Variants in CACNA2D3 observed in about 807,000 individuals in gnomAD.
CACNA2D3 encodes the protein voltage-dependent calcium channel subunit alpha-2/delta-3.
In CACNA2D3, 60 loss-of-function variants were observed where a neutral mutation model predicts 160.6. The observed-to-expected ratio is 0.37, with a 90% CI of 0.30 to 0.46. The LOEUF (loss-of-function observed/expected upper bound fraction) is 0.46, where lower values mean the gene tolerates loss of function less well. Among genes scored for constraint, CACNA2D3 ranks in the 20% least tolerant of loss-of-function variants. The probability of loss-of-function intolerance (pLI) is 1.00; values close to 1 mark genes in which losing one functional copy is unlikely to be tolerated. For synonymous variants in CACNA2D3, 558 were observed against 492.9 expected (o/e 1.13, Z -1.75); for missense variants, 1,205 against 1,365.0 (o/e 0.88, Z 1.85).
intron 2 of CACNA2D3, among the ~76,000 whole-genome samples, chr3:54,234,737 T>G (rs1445966263): frequency 6.6e-6 from 1 of 152,162 alleles, no homozygotes; most frequent in Non-Finnish European, 1.5e-5. Flanking sequence ...AGGTTATTAG[T>G]CTTAGCAAAC....
At position 55,021,599 on chromosome 3, in the gene CACNA2D3, T is replaced by TTATATATA. The variant is rs56044949; in HGVS notation, c.2987+3292_2987+3299dup. Among the ~76,000 whole-genome samples, 5 of 141,786 alleles carry TTATATATA rather than the reference T, an allele frequency of 3.5e-5. 1 individual carries two copies. Among genetic ancestry groups the TTATATATA allele is most frequent in the African/African-American group, 1.3e-4 (5 of 37,592 alleles). The allele number at this position is 141,786 out of a possible 152,430, so 93.0% of individuals were successfully genotyped here. ...CTCTGCATTCCAGTGCATCTCTAAA[T>TTATATATA]TATATATATATATATATGTGTGTGT... On this transcript the variant is annotated intron_variant, in intron 35 of 37. Transcript: ENST00000474759.
intron 35 of CACNA2D3, among the ~76,000 whole-genome samples, chr3:55,062,655 T>C (rs903735587): frequency 6.6e-6 from 1 of 152,220 alleles, no homozygotes; most frequent in Non-Finnish European, 1.5e-5. Context: ...ACCTGTAGAA[T>C]TGGAGGCGTC....
intron 17 of CACNA2D3, among the ~76,000 whole-genome samples, chr3:54,860,224 A>G (rs1009735113): frequency 6.6e-6 from 1 of 152,198 alleles, no homozygotes; most frequent in African/African-American, 2.4e-5. Context: ...TATCTGGAAT[A>G]TTTAGAAGCT....
At chr3:54,763,814 T>TATATACGTATATATATGTAC (rs1559573800) in intron 12 of CACNA2D3, among the ~76,000 whole-genome samples, 1 of 5,210 alleles carries the variant, frequency 1.9e-4, no homozygotes, top group African/African-American at 3.7e-4. Flanking sequence ...TATATATACA[T>TATATACGTATATATATGTAC]ATATATATAC....
At chr3:54,716,170 GT>G (rs1435367072) in intron 11 of CACNA2D3, among the ~76,000 whole-genome samples, 5 of 152,106 alleles carry the variant, frequency 3.3e-5, no homozygotes, top group Non-Finnish European at 7.4e-5. Flanking sequence ...ATAATACTAT[GT>G]TCCCATGTAC....
chr3:54,487,371 G>A (rs1701030876), intron 4 of CACNA2D3, among the ~76,000 whole-genome samples: 1 of 152,070 alleles, frequency 6.6e-6, no homozygotes, highest in East Asian at 1.9e-4. Flanking sequence ...CTGTATCAAA[G>A]GGGGAAAAAA....
intron 3 of CACNA2D3, among the ~76,000 whole-genome samples, chr3:54,350,633 G>A (rs1169039831): frequency 6.6e-6 from 1 of 152,202 alleles, no homozygotes; most frequent in Non-Finnish European, 1.5e-5. Context: ...GAAGTTTCAA[G>A]ATGATGGGCT....
intron 4 of CACNA2D3, among the ~76,000 whole-genome samples, chr3:54,478,711 C>T (rs1286809359): frequency 3.9e-4 from 6 of 15,330 alleles, no homozygotes; most frequent in East Asian, 3.4e-3. Flanking sequence ...TGATGAATCT[C>T]GCATCTTCAA....
intron 2 of CACNA2D3, among the ~76,000 whole-genome samples, chr3:54,216,939 A>G (rs1701473864): frequency 6.6e-6 from 1 of 152,108 alleles, no homozygotes; most frequent in African/African-American, 2.4e-5. Context: ...GATAAAGAAG[A>G]ACTAAGTAGA....
At chr3:54,179,586 G>T (rs1700743678) in intron 2 of CACNA2D3, among the ~76,000 whole-genome samples, 1 of 152,214 alleles carries the variant, frequency 6.6e-6, no homozygotes, top group Non-Finnish European at 1.5e-5. Context: ...AAATTCATAT[G>T]TTGAAGCTTA....
intron 10 of CACNA2D3, among the ~76,000 whole-genome samples, chr3:54,641,351 G>A (rs1699515946): frequency 6.6e-6 from 1 of 152,240 alleles, no homozygotes; most frequent in South Asian, 2.1e-4. Context: ...ATTAAGCTTT[G>A]CATGAAGAGT....
intron 11 of CACNA2D3, among the ~76,000 whole-genome samples, chr3:54,693,030 A>AACCACC (rs797003162): frequency 6.6e-6 from 1 of 151,598 alleles, no homozygotes; most frequent in African/African-American, 2.4e-5. Flanking sequence ...GTAAAAAAAA[A>AACCACC]ACCACCACCA....
Position 54,722,997 on chromosome 3 carries a change from C to T in CACNA2D3, c.1168-29602C>T, listed in dbSNP as rs183002613. ...AGTCTGCTGAAGCTGCACCCATAGC[C>T]GCCCCCTCCGCCAGGTACTCTGTCC... On this transcript the variant is annotated intron_variant, in intron 11 of 37. Coordinates refer to ENST00000474759, the MANE Select transcript of CACNA2D3 (RefSeq NM_018398.3). Among the ~76,000 whole-genome samples, 58 of 152,308 alleles carry T rather than the reference C, an allele frequency of 3.8e-4. 1 individual carries two copies. Among genetic ancestry groups the T allele is most frequent in the Middle Eastern group, 3.4e-3 (1 of 294 alleles).
chr3:54,177,204 T>C (rs1360767998), intron 2 of CACNA2D3, among the ~76,000 whole-genome samples: 1 of 152,228 alleles, frequency 6.6e-6, no homozygotes, highest in African/African-American at 2.4e-5. Flanking sequence ...TAAGCATAAA[T>C]ACCATCTATC....
chr3:54,761,232 G>A (rs557872063), intron 12 of CACNA2D3, among the ~76,000 whole-genome samples: 3 of 152,256 alleles, frequency 2.0e-5, no homozygotes, highest in Admixed American at 6.5e-5. Flanking sequence ...ACAAGATCCT[G>A]TCTGGGCCCA....
At chr3:54,171,968 T>G (rs1483679725) in intron 2 of CACNA2D3, among the ~76,000 whole-genome samples, 2 of 152,222 alleles carry the variant, frequency 1.3e-5, no homozygotes, top group Non-Finnish European at 2.9e-5. Flanking sequence ...GTCTCCTTCC[T>G]TTTCTCCCGA....
intron 10 of CACNA2D3, among the ~76,000 whole-genome samples, chr3:54,628,118 G>C (rs917740166): frequency 1.3e-5 from 2 of 152,184 alleles, no homozygotes; most frequent in African/African-American, 4.8e-5. Flanking sequence ...TGTAGTCCCA[G>C]CTACTCGGGA....
intron 4 of CACNA2D3, among the ~76,000 whole-genome samples, chr3:54,456,140 A>G (rs956969129): frequency 6.6e-6 from 1 of 152,138 alleles, no homozygotes; most frequent in African/African-American, 2.4e-5. Context: ...TGCTTTGGGT[A>G]GTATGGTCAT....
chr3:54,213,530 T>C (rs776268772), intron 2 of CACNA2D3, among the ~76,000 whole-genome samples: 1 of 152,196 alleles, frequency 6.6e-6, no homozygotes, highest in African/African-American at 2.4e-5. Context: ...AACAGTCCTT[T>C]CTTTCTTCCT....
Sources: allele counts gnomAD v4.1 joint callset (sites outside exome capture counted in the v4.1 genomes callset), GRCh38; gene constraint gnomAD v4.1.1; transcripts MANE v1.5; gene names NCBI Gene and HGNC (gene_info 2026-07-23, HGNC 2026-07-21).